DOCK3: variants seen among roughly 807,000 people sequenced by gnomAD.
The protein encoded by DOCK3 is dedicator of cytokinesis 3.
DOCK3 carries 60 observed loss-of-function variants against 265.6 expected under a neutral mutation model. The ratio of observed to expected loss-of-function variants is 0.23; its 90% confidence interval spans 0.18 to 0.28. The LOEUF is 0.28. Ranked by LOEUF, DOCK3 falls within the 10% of genes least tolerant of loss-of-function variation. The probability of loss-of-function intolerance (pLI) is 1.00; values close to 1 mark genes in which losing one functional copy is unlikely to be tolerated. For missense variants in DOCK3, 1,981 were observed against 2,594.3 expected (o/e 0.76, Z 5.14); for synonymous variants, 881 against 938.0 (o/e 0.94, Z 1.11).
chr3:50,876,289 C>T (rs952679535), intron 3 of DOCK3, among the ~76,000 whole-genome samples: 2 of 151,888 alleles, frequency 1.3e-5, no homozygotes, highest in African/African-American at 4.8e-5. Context: ...TTCACTAAAA[C>T]CAGAGCAATA....
At chr3:51,106,586 T>G (rs2083289689) in intron 9 of DOCK3, among the ~76,000 whole-genome samples, 2 of 152,184 alleles carry the variant, frequency 1.3e-5, no homozygotes, top group Admixed American at 1.3e-4. Flanking sequence ...TCCTCACCAG[T>G]GCCTTGCCCC....
At chr3:51,048,265 A>G (rs536944995) in intron 5 of DOCK3, among the ~76,000 whole-genome samples, 1 of 152,198 alleles carries the variant, frequency 6.6e-6, no homozygotes, top group South Asian at 2.1e-4. Context: ...TGACAGCCTC[A>G]CAGCTTATAT....
chr3:51,295,471 T>C (rs1045990128), intron 27 of DOCK3, among the ~76,000 whole-genome samples: 8 of 152,162 alleles, frequency 5.3e-5, no homozygotes, highest in Admixed American at 4.6e-4. Context: ...ACCTCCAACA[T>C]TGGGGATGAG....
chr3:51,310,250 T>G lies in DOCK3; in HGVS notation c.2941T>G (p.Phe981Val). The part of the protein sequence containing the change: ...DELKEFLLKI[F>V]CVFRNLMKMS... Reference sequence around the variant, plus strand: ...CTGTCAGGAATTTCTGCTGAAGATTTTTTGCGTGTTCCGGAACCTGATGAA... The same window carrying G: ...CTGTCAGGAATTTCTGCTGAAGATTGTTTGCGTGTTCCGGAACCTGATGAA... The change falls in exon 28 of 53, where the codon TTT becomes GTT. Residue 981 changes from phenylalanine to valine, a missense_variant. Phe to Val is a conservative substitution (Grantham distance 50, BLOSUM62 -1). Coordinates refer to ENST00000266037, the MANE Select transcript of DOCK3 (RefSeq NM_004947.5). The G allele has an allele frequency of 6.2e-7, 1 of 1,602,718 alleles. No homozygotes were observed.
At chr3:51,307,852 A>G (rs568132792) in intron 27 of DOCK3, among the ~76,000 whole-genome samples, 1 of 144,714 alleles carries the variant, frequency 6.9e-6, no homozygotes, top group South Asian at 2.2e-4. Context: ...TGGCTGCTTC[A>G]TGCAGCTGGG....
chr3:51,351,936 C>T (rs550040021), intron 40 of DOCK3, among the ~76,000 whole-genome samples: 3 of 152,168 alleles, frequency 2.0e-5, no homozygotes, highest in Non-Finnish European at 2.9e-5. Flanking sequence ...GGATTACAGG[C>T]GTGAGCCAAT....
In DOCK3 at chr3:51,310,313, C is replaced by T; in HGVS notation, c.3004C>T (p.Leu1002=). 6.3e-7 allele frequency: 1 copy of T among 1,598,682 alleles called. No homozygotes were observed. The highest frequency in any genetic ancestry group is 8.5e-7 in the Non-Finnish European group (1 of 1,172,384). The change falls in exon 28 of 53, where the codon CTG becomes TTG. Residue 1002 remains leucine (L), a synonymous_variant. Transcript: ENST00000266037. The stretch of plus-strand genomic sequence containing the variant: ...CCCTCGGGACTGGATGGTAATGAGA[C>T]TGCTCACAAGCAAGTAAGTATGGAA... ...VFPRDWMVMR[L]LTSNIIVTTV...
chr3:51,094,759 G>T (rs891439948), intron 9 of DOCK3, among the ~76,000 whole-genome samples: 1 of 151,074 alleles, frequency 6.6e-6, no homozygotes, highest in Non-Finnish European at 1.5e-5. Context: ...TGATGTTAGG[G>T]CATAGATTTT....
intron 23 of DOCK3, among the ~76,000 whole-genome samples, chr3:51,265,428 G>A (rs2080110549): frequency 6.6e-6 from 1 of 152,156 alleles, no homozygotes; most frequent in Non-Finnish European, 1.5e-5. Flanking sequence ...TATCCCTGAT[G>A]AACATTGATG....
Position 51,361,091 on chromosome 3 carries a change from A to G in DOCK3, c.5006+459A>G, listed in dbSNP as rs924572172. Among the ~76,000 whole-genome samples the G allele has an allele frequency of 6.6e-6, 1 of 152,176 alleles. No individual in the cohort carries two copies. The highest frequency in any genetic ancestry group is 1.5e-5 in the Non-Finnish European group (1 of 68,028). ...ATGCAGGCCTTTGGACTTGATCCCA[A>G]GGAGAATGAGGATCACCAAGTCAGT... is the stretch of plus-strand genomic sequence containing the variant. On this transcript the variant is annotated intron_variant, in intron 47 of 52. Transcript: ENST00000266037. This position sits in a 1 kb window ranked among gnomAD's most constrained non-coding sequence, Gnocchi z 4.2.
intron 5 of DOCK3, among the ~76,000 whole-genome samples, chr3:50,982,002 C>G (rs560290038): frequency 6.6e-6 from 1 of 152,182 alleles, no homozygotes; most frequent in South Asian, 2.1e-4. Context: ...GAGCATGCCA[C>G]CATGCCCAGT....
intron 1 of DOCK3, among the ~76,000 whole-genome samples, chr3:50,744,347 T>C (rs1383631065): frequency 6.6e-6 from 1 of 152,206 alleles, no homozygotes; most frequent in African/African-American, 2.4e-5. Context: ...TTTCCAAATC[T>C]GATGTCATGA....
intron 9 of DOCK3, among the ~76,000 whole-genome samples, chr3:51,091,683 A>C (rs4927981): frequency 0.29 from 3,720 of 12,744 alleles, 322 homozygotes; most frequent in Admixed American, 0.5. Flanking sequence ...ACTTGGTCTC[A>C]AAAAAAAAAA....
chr3:50,895,447 A>C (rs888441615), intron 4 of DOCK3, among the ~76,000 whole-genome samples: 2 of 151,856 alleles, frequency 1.3e-5, no homozygotes, highest in African/African-American at 4.8e-5. Context: ...CAATGGCAGT[A>C]CATAGGCCGT....
At chr3:50,922,933 C>T (rs1295948609) in intron 4 of DOCK3, among the ~76,000 whole-genome samples, 5 of 152,040 alleles carry the variant, frequency 3.3e-5, no homozygotes, top group Non-Finnish European at 7.4e-5. Context: ...CACCTTTTCC[C>T]CGAGTCCCCA....
chr3:51,263,778 C>T (rs2079998763), intron 23 of DOCK3, among the ~76,000 whole-genome samples: 1 of 152,142 alleles, frequency 6.6e-6, no homozygotes, highest in Non-Finnish European at 1.5e-5. Flanking sequence ...ATCCTAGTAT[C>T]TGATAAAACA....
intron 33 of DOCK3, among the ~76,000 whole-genome samples, chr3:51,332,247 T>A (rs990815940): frequency 6.6e-6 from 1 of 152,168 alleles, no homozygotes. Flanking sequence ...GGACCTGGGC[T>A]CATCACTGGA....
At position 50,984,014 on chromosome 3, in the gene DOCK3, C is replaced by T. The variant is rs867046860; in HGVS notation, c.315+49937C>T. On this transcript the variant is annotated intron_variant, in intron 5 of 52. Coordinates refer to ENST00000266037, the MANE Select transcript of DOCK3 (RefSeq NM_004947.5). ...GTCCAGCCACAGCCTCATGGAGAGC[C>T]GGCAGCCTGCCGTGCTGCAGCAGCC... Among the ~76,000 whole-genome samples, 12 of 152,294 alleles carry T rather than the reference C, an allele frequency of 7.9e-5. No homozygotes were observed. The South Asian group carries it at 1.5e-3, about 18-fold the overall frequency.
chr3:50,990,879 C>T (rs959500093), intron 5 of DOCK3, among the ~76,000 whole-genome samples: 1 of 152,158 alleles, frequency 6.6e-6, no homozygotes, highest in African/African-American at 2.4e-5. Context: ...GGGTCTGCCT[C>T]TCCCAGTCCA....
Sources: allele counts gnomAD v4.1 joint callset (sites outside exome capture counted in the v4.1 genomes callset), GRCh38; gene constraint gnomAD v4.1.1; non-coding constraint Gnocchi (gnomAD v3.1); transcripts MANE v1.5; gene names NCBI Gene and HGNC (gene_info 2026-07-23, HGNC 2026-07-21).